Variants in PPP2R5C observed in about 807,000 individuals in gnomAD.
PPP2R5C encodes serine/threonine-protein phosphatase 2A 56 kDa regulatory subunit gamma isoform.
Under a neutral mutation model 68.9 loss-of-function variants are expected in PPP2R5C, and 7 were observed. That is an observed-to-expected ratio of 0.10 (90% CI 0.06 to 0.19). The LOEUF is 0.19. Ranked by LOEUF, PPP2R5C falls within the 10% of genes least tolerant of loss-of-function variation. PPP2R5C has a pLI of 1.00. For synonymous variants in PPP2R5C, 210 were observed against 222.2 expected, an observed-to-expected ratio of 0.95 and a Z score of 0.49; for missense variants, 348 against 641.3, an observed-to-expected ratio of 0.54 and a Z score of 4.94.
At chr14:101,793,582 G>A (rs899018246) in intron 3 of PPP2R5C, among the ~76,000 whole-genome samples, 1 of 152,196 alleles carries the variant, frequency 6.6e-6, no homozygotes, top group Non-Finnish European at 1.5e-5. Context: ...CCCCATGGCA[G>A]CGTCTTCAGG....
At position 101,791,262 on chromosome 14, in the gene PPP2R5C, T is replaced by G. The variant is rs144859121; in HGVS notation, c.259+5079T>G. On this transcript the variant is annotated intron_variant, in intron 3 of 14. Transcript: ENST00000328724. ...TTGTGGGTGTGTAATGGTGTCTCAC[T>G]GTGGTTTCCATTGGCCTTTCCCCAA... Among the ~76,000 whole-genome samples the G allele has an allele frequency of 9.4e-3, 1,429 of 152,330 alleles. 16 individuals are homozygous for G. The highest frequency in any genetic ancestry group is 0.017 in the South Asian group (81 of 4,828).
In PPP2R5C at chr14:101,774,475, G is replaced by T. The variant is rs553017595; in HGVS notation, c.93+11505G>T. On this transcript the variant is annotated intron_variant, in intron 2 of 14. Coordinates refer to the PPP2R5C transcript ENST00000328724. ...CCTAACATCAATCTCCTTTTCAGCT[G>T]CATATCTCACTCCTATTCTCTGCTA... 2.0e-5 allele frequency among the ~76,000 whole-genome samples: 3 copies of T among 152,296 alleles called. No individual in the cohort carries two copies. In the East Asian group the frequency reaches 5.8e-4, roughly 29 times the overall value.
At chr14:101,829,882 T>C (rs1423562937) in intron 1 of PPP2R5C, among the ~76,000 whole-genome samples, 1 of 152,176 alleles carries the variant, frequency 6.6e-6, no homozygotes, top group African/African-American at 2.4e-5. Flanking sequence ...TTTTTCTTTT[T>C]TCGCAGTATT....
At chr14:101,865,596 A>T (rs937848718) in intron 2 of PPP2R5C, among the ~76,000 whole-genome samples, 8 of 152,208 alleles carry the variant, frequency 5.3e-5, no homozygotes, top group Admixed American at 1.3e-4. Flanking sequence ...TCTGTACCCA[A>T]CTTTAATCTG....
In PPP2R5C at chr14:101,906,565, T is replaced by G; in HGVS notation, c.1151+36T>G. On this transcript the variant is annotated intron_variant, in intron 10 of 13. Coordinates refer to ENST00000334743, the Ensembl canonical transcript of PPP2R5C. This position sits in a 1 kb window ranked among gnomAD's most constrained non-coding sequence, Gnocchi z 4.0. The stretch of plus-strand genomic sequence containing the variant: ...ACTGGCTGCCATCTTTTTCAGTCAT[T>G]TTAAAATATGGCACGTTTTACTGCT... 6.4e-7 allele frequency: 1 copy of G among 1,571,262 alleles called. No homozygotes were observed. Among genetic ancestry groups the G allele is most frequent in the Non-Finnish European group, 8.6e-7 (1 of 1,161,062 alleles).
intron 8 of PPP2R5C, among the ~76,000 whole-genome samples, chr14:101,894,849 A>G (rs1388746235): frequency 6.6e-6 from 1 of 152,204 alleles, no homozygotes; most frequent in Non-Finnish European, 1.5e-5. Context: ...TGTAGCCACT[A>G]AATTTTAGTG....
At chr14:101,784,625 G>C (rs1285784814) in intron 2 of PPP2R5C, among the ~76,000 whole-genome samples, 1 of 152,134 alleles carries the variant, frequency 6.6e-6, no homozygotes, top group Non-Finnish European at 1.5e-5. Flanking sequence ...CTCCCACCAG[G>C]TCCCTCCCTT....
At chr14:101,890,124 T>C in intron 5 of PPP2R5C, 113 bp from the exon 8 acceptor site, 1 of 968,476 alleles carries the variant, frequency 1.0e-6, no homozygotes, top group Non-Finnish European at 1.6e-6. Flanking sequence ...GAGCAGTGTT[T>C]GCACAAATAG....
At chr14:101,799,140 C>G (rs143020983) in intron 3 of PPP2R5C, among the ~76,000 whole-genome samples, 2 of 152,220 alleles carry the variant, frequency 1.3e-5, no homozygotes, top group East Asian at 3.9e-4. Context: ...AGCCACAGAC[C>G]GGGAGGGAAG....
At chr14:101,850,743 G>A (rs116718031) in intron 1 of PPP2R5C, among the ~76,000 whole-genome samples, 186 of 152,306 alleles carry the variant, frequency 1.2e-3, no homozygotes, top group African/African-American at 4.4e-3. Flanking sequence ...TAGGACACAG[G>A]AGACACTAGA....
intron 2 of PPP2R5C, among the ~76,000 whole-genome samples, chr14:101,875,879 C>CT (rs2043739160): frequency 6.6e-6 from 1 of 152,124 alleles, no homozygotes; most frequent in Non-Finnish European, 1.5e-5. Flanking sequence ...TCTTCAGTGC[C>CT]TTTTATTAGA....
intron 10 of PPP2R5C, among the ~76,000 whole-genome samples, chr14:101,908,260 T>G (rs2141082888): frequency 6.6e-6 from 1 of 152,378 alleles, no homozygotes; most frequent in South Asian, 2.1e-4. Context: ...GCAGCCATGC[T>G]GATAGCAGTG....
At chr14:101,804,884 A>G (rs1385407857) in intron 3 of PPP2R5C, among the ~76,000 whole-genome samples, 1 of 152,204 alleles carries the variant, frequency 6.6e-6, no homozygotes, top group Non-Finnish European at 1.5e-5. Context: ...TTGTAACTCA[A>G]AGGATAAACG....
Position 101,913,854 on chromosome 14 carries a change from C to T in PPP2R5C, c.1326+1381C>T, listed in dbSNP as rs2046512319. On this transcript the variant is annotated intron_variant, in intron 12 of 13. Transcript: ENST00000334743. This position sits in a 1 kb window ranked among gnomAD's most constrained non-coding sequence, Gnocchi z 4.1. ...CACATGCAGTTGAAATCAGTAGCCT[C>T]GAAAACATGTGAGAAATGAATACAC... 6.6e-6 allele frequency among the ~76,000 whole-genome samples: 1 copy of T among 151,868 alleles called. No individual in the cohort carries two copies. Among genetic ancestry groups the T allele is most frequent in the African/African-American group, 2.4e-5 (1 of 41,332 alleles).
intron 8 of PPP2R5C, among the ~76,000 whole-genome samples, chr14:101,900,768 AC>A (rs1394932694): frequency 2.0e-5 from 3 of 152,212 alleles, no homozygotes; most frequent in Non-Finnish European, 4.4e-5. Context: ...GGAACATAAA[AC>A]ATCCACTATC....
At chr14:101,870,205 A>G (rs2043315618) in intron 2 of PPP2R5C, among the ~76,000 whole-genome samples, 5 of 151,532 alleles carry the variant, frequency 3.3e-5, no homozygotes. Context: ...AAAAATGTTT[A>G]ATTGAGATAA....
Position 101,925,371 on chromosome 14 carries a change from G to A in PPP2R5C, c.*99G>A, listed in dbSNP as rs987965931. The A allele has an allele frequency of 9.3e-6, 14 of 1,502,380 alleles. No individual in the cohort carries two copies. The African/African-American group carries it at 1.7e-4, about 18-fold the overall frequency. The allele number at this position is 1,502,380 out of a possible 1,614,324, so 93.1% of individuals were successfully genotyped here. On this transcript the variant is annotated 3_prime_UTR_variant, in exon 14 of 14. Transcript: ENST00000334743. The stretch of plus-strand genomic sequence containing the variant: ...GCCATACCAATCAGTTACACTCAAA[G>A]CTTTCTTGGACCCCGTTCCGTAGGC...
chr14:101,909,321 T>C (rs1616161), intron 10 of PPP2R5C, among the ~76,000 whole-genome samples: 25,981 of 152,208 alleles, frequency 0.17, 3,041 homozygotes, highest in African/African-American at 0.33. Context: ...TTTAATTCAG[T>C]TTCTGAGCAA....
At chr14:101,760,984 G>A (rs1158028623), upstream of PPP2R5C, among the ~76,000 whole-genome samples, 14 of 107,226 alleles carry the variant, frequency 1.3e-4, no homozygotes, top group Admixed American at 4.3e-4. Flanking sequence ...GGAGGGGAGG[G>A]CAGGGGACGG....
Sources: allele counts gnomAD v4.1 joint callset (sites outside exome capture counted in the v4.1 genomes callset), GRCh38; gene constraint gnomAD v4.1.1; non-coding constraint Gnocchi (gnomAD v3.1); transcripts MANE v1.5; gene names NCBI Gene and HGNC (gene_info 2026-07-23, HGNC 2026-07-21).